DDIT4L: variants seen among roughly 807,000 people sequenced by gnomAD.
The protein encoded by DDIT4L is DNA damage-inducible transcript 4-like protein.
In DDIT4L, 13 loss-of-function variants were observed where a neutral mutation model predicts 15.9. That is an observed-to-expected ratio of 0.82 (90% CI 0.53 to 1.30). The LOEUF is 1.30. DDIT4L is among the 50% of genes most tolerant of loss of function. The pLI, the probability that DDIT4L is intolerant of heterozygous loss-of-function variation, is 0.00. For synonymous variants in DDIT4L, 82 were observed against 85.4 expected (o/e 0.96, Z 0.22); for missense variants, 235 against 224.8 (o/e 1.05, Z -0.29).
Position 100,187,598 on chromosome 4 carries a change from A to G in DDIT4L, c.*79T>C, listed in dbSNP as rs1723440294. On this transcript the variant is annotated 3_prime_UTR_variant, in exon 3 of 3. Coordinates refer to ENST00000273990, the MANE Select transcript of DDIT4L (RefSeq NM_145244.4). Reference sequence around the variant, plus strand: ...GTTTCTTATTTAGGGCAGGTGGGGCAAACTACAAATGACTTTAGCTGACTA... The same window carrying G: ...GTTTCTTATTTAGGGCAGGTGGGGCGAACTACAAATGACTTTAGCTGACTA... 1 of 1,479,168 alleles carries G rather than the reference A, an allele frequency of 6.8e-7. No homozygotes were observed. Among genetic ancestry groups the G allele is most frequent in the South Asian group, 1.4e-5 (1 of 69,338 alleles). The allele number at this position is 1,479,168 out of a possible 1,614,324, so 91.6% of individuals were successfully genotyped here.
chr4:100,188,234 A>G, intron 2 of DDIT4L, 67 bp from the exon 3 acceptor site: 2 of 1,486,160 alleles, frequency 1.3e-6, no homozygotes, highest in Non-Finnish European at 1.8e-6. Flanking sequence ...AAAAACACCA[A>G]GATATCAACA....
In DDIT4L at chr4:100,187,978, C is replaced by T. The variant is rs547460861; in HGVS notation, c.281G>A (p.Arg94Gln). The T allele has an allele frequency of 5.0e-6, 8 of 1,614,066 alleles. No homozygotes were observed. Among genetic ancestry groups the T allele is most frequent in the East Asian group, 2.2e-5 (1 of 44,884 alleles). The change falls in exon 3 of 3, where the codon CGG becomes CAG. Residue 94 changes from arginine to glutamine, a missense_variant. Physicochemically the swap from Arg to Gln is conservative, Grantham distance 43. Coordinates refer to ENST00000273990, the MANE Select transcript of DDIT4L (RefSeq NM_145244.4). ...GCCGCAGGGCTCCGTTGAGGAAAGC[C>T]GCAGGACATCTTGAGCAATTCTCTG... ...LTQRIAQDVL[R>Q]LSSTEPCGLR...
chr4:100,187,948 C>T lies in DDIT4L; in HGVS notation c.311G>A (p.Arg104Gln). The change falls in exon 3 of 3, where the codon CGA becomes CAA. Residue 104 changes from arginine to glutamine, a missense_variant. Coordinates refer to ENST00000273990, the MANE Select transcript of DDIT4L (RefSeq NM_145244.4). ...RLSSTEPCGLRGCVMHVNLEI... is the reference protein window; with the variant it reads ...RLSSTEPCGLQGCVMHVNLEI... ...CAAGTTCACGTGCATAACACAACCT[C>T]GCAAGCCGCAGGGCTCCGTTGAGGA... 5 of 1,614,134 alleles carry T rather than the reference C, an allele frequency of 3.1e-6. No individual in the cohort carries two copies. Among genetic ancestry groups the T allele is most frequent in the South Asian group, 2.2e-5 (2 of 91,070 alleles).
Position 100,189,576 on chromosome 4 carries a change from T to C in DDIT4L, c.91+317A>G, listed in dbSNP as rs150977823. 4.5e-3 allele frequency among the ~76,000 whole-genome samples: 683 copies of C among 152,222 alleles called. 8 individuals are homozygous for C. Among genetic ancestry groups the C allele is most frequent in the South Asian group, 0.031 (149 of 4,814 alleles). On this transcript the variant is annotated intron_variant, in intron 2 of 2. Coordinates refer to ENST00000273990, the MANE Select transcript of DDIT4L (RefSeq NM_145244.4). Reference sequence around the variant, plus strand: ...CGTCGGAATTCAGGGGGAGGGGCGATATTGATTACAGGGTAAATACATTTG... The same window carrying C: ...CGTCGGAATTCAGGGGGAGGGGCGACATTGATTACAGGGTAAATACATTTG...
chr4:100,188,198 C>A (rs1391094805), intron 2 of DDIT4L, 31 bp from the exon 3 acceptor site: 1 of 1,565,934 alleles, frequency 6.4e-7, no homozygotes, highest in Admixed American at 2.1e-5. Context: ...TTTTTAGATA[C>A]AGAAGAAAAA....
In DDIT4L at chr4:100,187,001, T is replaced by G. The variant is rs558119155; in HGVS notation, c.*676A>C. The G allele has an allele frequency of 6.6e-6, 1 of 152,224 alleles. No individual in the cohort carries two copies. Among genetic ancestry groups the G allele is most frequent in the Non-Finnish European group, 1.5e-5 (1 of 68,028 alleles). The allele number at this position is 152,224 out of a possible 1,614,324, so 9.4% of individuals were successfully genotyped here. A position where few individuals can be genotyped will look rare whatever the true frequency, so the allele number is the denominator to read the frequency against. The stretch of plus-strand genomic sequence containing the variant: ...GGGAAACTGAGCTTATAAAGGCATC[T>G]AAAACAACACCGTGGTTACTGAAAT... On this transcript the variant is annotated 3_prime_UTR_variant, in exon 3 of 3. Coordinates refer to ENST00000273990, the MANE Select transcript of DDIT4L (RefSeq NM_145244.4).
chr4:100,188,221 A>G (rs889746604), intron 2 of DDIT4L, 54 bp from the exon 3 acceptor site: 11 of 1,532,408 alleles, frequency 7.2e-6, no homozygotes, highest in Non-Finnish European at 8.7e-6. Flanking sequence ...TTAAGAGTAG[A>G]AAAAAAACAC....
chr4:100,187,677 T>A lies in DDIT4L; in HGVS notation c.582A>T (p.Ter194TyrextTer13), dbSNP rs751725054. The change falls in exon 3 of 3, where the codon TAA (stop) becomes TAT (tyrosine). Residue 194 changes from the stop codon to tyrosine, a stop_lost. Transcript: ENST00000273990. ...LIGTTVIEGS[*>Y] ...AATAATCTTTATATATTTTCCCTTTTTAGGACCCTTCAATCACTGTTGTTC... is the reference window on the plus strand; with the variant it reads ...AATAATCTTTATATATTTTCCCTTTATAGGACCCTTCAATCACTGTTGTTC... The A allele has an allele frequency of 1.9e-6, 3 of 1,584,886 alleles. No individual in the cohort carries two copies. Among genetic ancestry groups the A allele is most frequent in the Admixed American group, 4.1e-5 (2 of 49,226 alleles).
In DDIT4L at chr4:100,187,955, C is replaced by A. The variant is rs201938125; in HGVS notation, c.304G>T (p.Gly102Cys). The change falls in exon 3 of 3, where the codon GGC becomes TGC. Residue 102 changes from glycine (G) to cysteine (C), a missense_variant. By Grantham distance (159) the Gly-to-Cys change is radical (BLOSUM62 -3). Transcript: ENST00000273990. ...VLRLSSTEPC[G>C]LRGCVMHVNL... ...ACGTGCATAACACAACCTCGCAAGCCGCAGGGCTCCGTTGAGGAAAGCCGC... is the reference window on the plus strand; with the variant it reads ...ACGTGCATAACACAACCTCGCAAGCAGCAGGGCTCCGTTGAGGAAAGCCGC... The A allele has an allele frequency of 6.2e-7, 1 of 1,613,984 alleles. No homozygotes were observed. The highest frequency in any genetic ancestry group is 8.5e-7 in the Non-Finnish European group (1 of 1,180,034).
In DDIT4L at chr4:100,187,562, C is replaced by G; in HGVS notation, c.*115G>C. The G allele has an allele frequency of 8.7e-7, 1 of 1,148,386 alleles. No individual in the cohort carries two copies. The highest frequency in any genetic ancestry group is 1.2e-6 in the Non-Finnish European group (1 of 844,046). The allele number at this position is 1,148,386 out of a possible 1,614,324, so 71.1% of individuals were successfully genotyped here. On this transcript the variant is annotated 3_prime_UTR_variant, in exon 3 of 3. Transcript: ENST00000273990. ...ATGTGAAACACAGAAAGAAAAGAGA[C>G]TACATTTGGGGTTTCTTATTTAGGG...
At position 100,190,424 on chromosome 4, in the gene DDIT4L, T is replaced by G. The variant is rs569680224; in HGVS notation, c.-171A>C. 6.2e-4 allele frequency: 111 copies of G among 177,904 alleles called. 3 individuals are homozygous for G. The South Asian group carries it at 0.01, about 17-fold the overall frequency. The allele number at this position is 177,904 out of a possible 1,614,324, so 11.0% of individuals were successfully genotyped here. On this transcript the variant is annotated 5_prime_UTR_variant, in exon 1 of 3. Transcript: ENST00000273990. ...CAGACCCCAGCAGCCAGCGGCACCCTGCTCACCCCTCCCGGGCCACCCTGC... is the reference window on the plus strand; with the variant it reads ...CAGACCCCAGCAGCCAGCGGCACCCGGCTCACCCCTCCCGGGCCACCCTGC...
chr4:100,189,790 C>A, intron 2 of DDIT4L, 103 bp downstream of exon 2: 1 of 1,043,036 alleles, frequency 9.6e-7, no homozygotes, highest in Non-Finnish European at 1.4e-6. Flanking sequence ...TTTGTGGCAC[C>A]TCCTACATAG....
Position 100,186,720 on chromosome 4 carries a change from C to A in DDIT4L, c.*957G>T, listed in dbSNP as rs561960803. 1 of 152,134 alleles carries A rather than the reference C, an allele frequency of 6.6e-6. No homozygotes were observed. Among genetic ancestry groups the A allele is most frequent in the Non-Finnish European group, 1.5e-5 (1 of 68,034 alleles). 9.4% of individuals were successfully genotyped at this position (152,134 alleles called of 1,614,324 possible). On this transcript the variant is annotated 3_prime_UTR_variant, in exon 3 of 3. Transcript: ENST00000273990. Reference sequence around the variant, plus strand: ...CAATTGGGGTTAAGGAGAGATACTTCAATTCCCAGAAAAGCCCAGAGATGA... The same window carrying A: ...CAATTGGGGTTAAGGAGAGATACTTAAATTCCCAGAAAAGCCCAGAGATGA...
Position 100,188,026 on chromosome 4 carries a change from A to T in DDIT4L, c.233T>A (p.Val78Asp). 1 of 1,614,168 alleles carries T rather than the reference A, an allele frequency of 6.2e-7. No individual in the cohort carries two copies. The highest frequency in any genetic ancestry group is 8.5e-7 in the Non-Finnish European group (1 of 1,180,026). Residue 78 changes from valine to aspartate, a missense_variant, in exon 3 of 3, where the codon GTC (valine) becomes GAC (aspartate). Transcript: ENST00000273990. ...CTGGGTCAGTTTCTCAGGGACAAGG[A>T]CCTTTGAGCAACCAAGTTTAGTTTG... is the stretch of plus-strand genomic sequence containing the variant. ...SKQTKLGCSK[V>D]LVPEKLTQRI...
At position 100,185,914 on chromosome 4, in the gene DDIT4L, AT is replaced by A. The variant is rs1032971150; in HGVS notation, c.*1762del. 2.2e-4 allele frequency: 33 copies of A among 152,366 alleles called. No individual in the cohort carries two copies. Among genetic ancestry groups the A allele is most frequent in the African/African-American group, 7.7e-4 (32 of 41,584 alleles). The allele number at this position is 152,366 out of a possible 1,614,324, so 9.4% of individuals were successfully genotyped here. On this transcript the variant is annotated 3_prime_UTR_variant, in exon 3 of 3. Transcript: ENST00000273990. ...TATTGTCAAAAATAGACAAACTTTA[AT>A]TTCCTTTAACAGGAATATTAATTTA...
At position 100,186,201 on chromosome 4, in the gene DDIT4L, T is replaced by C. The variant is rs1723417623; in HGVS notation, c.*1476A>G. On this transcript the variant is annotated 3_prime_UTR_variant, in exon 3 of 3. Transcript: ENST00000273990. ...TATCTTTCCAAGCATTTGAAGAGTT[T>C]AGTTTGTTAGAACACTGGCTAATTT... 6.6e-6 allele frequency: 1 copy of C among 152,260 alleles called. No individual in the cohort carries two copies. The highest frequency in any genetic ancestry group is 1.5e-5 in the Non-Finnish European group (1 of 68,046). 9.4% of individuals were successfully genotyped at this position (152,260 alleles called of 1,614,324 possible).
chr4:100,189,462 C>T (rs1252913258), intron 2 of DDIT4L, among the ~76,000 whole-genome samples: 1 of 152,130 alleles, frequency 6.6e-6, no homozygotes, highest in African/African-American at 2.4e-5. Context: ...TTCCACTTAC[C>T]TAAAGGCAAA....
At chr4:100,189,815 G>T in intron 2 of DDIT4L, 78 bp downstream of exon 2, 1 of 1,411,214 alleles carries the variant, frequency 7.1e-7, no homozygotes, top group Non-Finnish European at 9.9e-7. Flanking sequence ...AGGGGAGGAA[G>T]TCGAAAGCCC....
At position 100,187,965 on chromosome 4, in the gene DDIT4L, C is replaced by G. The variant is rs141348282; in HGVS notation, c.294G>C (p.Thr98=). Residue 98 remains threonine, a synonymous_variant, in exon 3 of 3, where the codon ACG becomes ACC. Coordinates refer to ENST00000273990, the MANE Select transcript of DDIT4L (RefSeq NM_145244.4). ...CACAACCTCGCAAGCCGCAGGGCTC[C>G]GTTGAGGAAAGCCGCAGGACATCTT... The part of the protein sequence containing the change: ...IAQDVLRLSS[T]EPCGLRGCVM... 1 of 1,613,964 alleles carries G rather than the reference C, an allele frequency of 6.2e-7. No homozygotes were observed. Among genetic ancestry groups the G allele is most frequent in the African/African-American group, 1.3e-5 (1 of 74,908 alleles).
Sources: allele counts gnomAD v4.1 joint callset (sites outside exome capture counted in the v4.1 genomes callset), GRCh38; gene constraint gnomAD v4.1.1; transcripts MANE v1.5; gene names NCBI Gene and HGNC (gene_info 2026-07-23, HGNC 2026-07-21).